The following PIK3C3 variants were observed in gnomAD, a reference collection of about 807,000 sequenced individuals.
PIK3C3 encodes the protein PI3-kinase type 3.
PIK3C3 carries 95 observed loss-of-function variants against 126.1 expected under a neutral mutation model. The observed-to-expected ratio is 0.75, with a 90% CI of 0.64 to 0.89. The LOEUF (loss-of-function observed/expected upper bound fraction) is 0.89, where lower values mean the gene tolerates loss of function less well. Ranked by LOEUF, PIK3C3 falls within the 40% of genes least tolerant of loss-of-function variation. The pLI is 0.00. For synonymous variants in PIK3C3, 374 were observed against 360.0 expected (o/e 1.04, Z -0.44); for missense variants, 829 against 1,063.2 (o/e 0.78, Z 3.06).
intron 4 of PIK3C3, among the ~76,000 whole-genome samples, chr18:41,976,930 T>A (rs1159549961): frequency 2.0e-5 from 3 of 152,224 alleles, no homozygotes; most frequent in Non-Finnish European, 2.9e-5. Context: ...TTAAATTCTT[T>A]ATGGAAATCT....
intron 6 of PIK3C3, among the ~76,000 whole-genome samples, chr18:41,991,643 A>G (rs1026152625): frequency 1.5e-4 from 23 of 152,192 alleles, no homozygotes; most frequent in African/African-American, 5.1e-4. Context: ...ATAAATTACT[A>G]TTTGAAAGGT....
intron 9 of PIK3C3, among the ~76,000 whole-genome samples, chr18:42,003,835 G>GTACA (rs1982409084): frequency 6.6e-6 from 1 of 152,138 alleles, no homozygotes; most frequent in South Asian, 2.1e-4. Flanking sequence ...ACAGAGATAC[G>GTACA]TACATACTCC....
At chr18:42,029,588 G>T (rs1344304620) in intron 15 of PIK3C3, 147 bp downstream of exon 15, 1 of 495,026 alleles carries the variant, frequency 2.0e-6, no homozygotes, top group East Asian at 3.4e-5. Context: ...TGTCGCCCAG[G>T]TTGGAGTGCA....
At chr18:41,982,925 G>T (rs1279440992) in intron 4 of PIK3C3, among the ~76,000 whole-genome samples, 22 of 152,120 alleles carry the variant, frequency 1.4e-4, no homozygotes, top group Admixed American at 1.4e-3. Context: ...GGAGGGTTTT[G>T]CATAGTGTAG....
In PIK3C3 at chr18:42,039,615, A is replaced by G. The variant is rs146045381; in HGVS notation, c.2038+765A>G. Among the ~76,000 whole-genome samples, 806 of 152,312 alleles carry G rather than the reference A, an allele frequency of 5.3e-3. 3 individuals are homozygous for G. Among genetic ancestry groups the G allele is most frequent in the South Asian group, 0.012 (60 of 4,828 alleles). On this transcript the variant is annotated intron_variant, in intron 18 of 24. Transcript: ENST00000262039. ...ATGCATTGTGCTCTAAGGCCTTCAC[A>G]TACACTGTGATCATTGTCTCAAACA...
chr18:42,034,338 G>A (rs558464318), intron 16 of PIK3C3, among the ~76,000 whole-genome samples: 3 of 152,212 alleles, frequency 2.0e-5, no homozygotes, highest in South Asian at 4.1e-4. Context: ...ACAGGCATGC[G>A]CCACCATACC....
At chr18:41,968,308 A>C (rs111678637) in intron 3 of PIK3C3, among the ~76,000 whole-genome samples, 7,101 of 152,264 alleles carry the variant, frequency 0.047, 550 homozygotes, top group African/African-American at 0.16. Flanking sequence ...TTATCATCTC[A>C]CTGTACGTAG....
chr18:41,997,173 A>T (rs774414049), intron 9 of PIK3C3, among the ~76,000 whole-genome samples: 12 of 152,110 alleles, frequency 7.9e-5, no homozygotes, highest in African/African-American at 2.7e-4. Context: ...AACCTGGGTG[A>T]CTAGGAAAAT....
chr18:41,966,353 A>G (rs905046553), intron 3 of PIK3C3, among the ~76,000 whole-genome samples: 9 of 151,856 alleles, frequency 5.9e-5, no homozygotes, highest in East Asian at 2.0e-4. Flanking sequence ...TATTTTTAGT[A>G]TAGGCGGGGT....
At chr18:41,995,561 A>G (rs913243031) in intron 7 of PIK3C3, among the ~76,000 whole-genome samples, 15 of 152,150 alleles carry the variant, frequency 9.9e-5, no homozygotes, top group African/African-American at 2.7e-4. Flanking sequence ...GCTTTAGTCT[A>G]TGTTGTCAGG....
intron 24 of PIK3C3, among the ~76,000 whole-genome samples, chr18:42,072,817 G>A (rs185629916): frequency 3.4e-4 from 52 of 152,252 alleles, no homozygotes; most frequent in Admixed American, 1.2e-3. Flanking sequence ...TTACAAGCAC[G>A]AGCCACCATG....
chr18:42,054,210 T>C (rs1197720536), intron 21 of PIK3C3, among the ~76,000 whole-genome samples: 1 of 120,662 alleles, frequency 8.3e-6, no homozygotes, highest in Non-Finnish European at 1.7e-5. Context: ...ATTTATTAAG[T>C]ATTAACTCAT....
intron 24 of PIK3C3, among the ~76,000 whole-genome samples, chr18:42,071,911 T>C (rs1407235071): frequency 6.6e-6 from 1 of 152,160 alleles, no homozygotes; most frequent in East Asian, 1.9e-4. Flanking sequence ...TACCTATGGA[T>C]GTTTAATTTT....
chr18:41,987,606 G>C (rs943494211), intron 4 of PIK3C3, among the ~76,000 whole-genome samples: 1 of 151,796 alleles, frequency 6.6e-6, no homozygotes, highest in Middle Eastern at 3.2e-3. Context: ...GGCAAATTAT[G>C]GACCTTTTTA....
chr18:42,076,118 ATATG>A (rs1985983833), intron 24 of PIK3C3, among the ~76,000 whole-genome samples: 1 of 66,678 alleles, frequency 1.5e-5, no homozygotes, highest in African/African-American at 7.9e-5. Flanking sequence ...ATATATATAT[ATATG>A]CGCATATATA....
In PIK3C3 at chr18:42,087,302, T is replaced by G. The variant is rs1986418389; in HGVS notation, c.*6165T>G. 6.6e-6 allele frequency: 1 copy of G among 152,240 alleles called. No homozygotes were observed. The highest frequency in any genetic ancestry group is 1.5e-5 in the Non-Finnish European group (1 of 68,108). 9.4% of individuals were successfully genotyped at this position (152,240 alleles called of 1,614,324 possible). On this transcript the variant is annotated 3_prime_UTR_variant, in exon 25 of 25. Transcript: ENST00000262039. ...TGGTTGGTGGTGAATGCGCCAAATT[T>G]TATAGTCCGGTTTGAGGAGGTGGTT...
Position 41,962,633 on chromosome 18 carries a change from G to A in PIK3C3, c.401+1G>A. The stretch of plus-strand genomic sequence containing the variant: ...CGGTTTCGCTCTTTGGAAAATACGG[G>A]TAAGCATTCTGTTGGTCTCATCTGT... On this transcript the variant is annotated splice_donor_variant, in intron 3 of 24. Transcript: ENST00000262039. LOFTEE classifies it high-confidence loss of function. 1 of 1,609,618 alleles carries A rather than the reference G, an allele frequency of 6.2e-7. No individual in the cohort carries two copies. The highest frequency in any genetic ancestry group is 1.1e-5 in the South Asian group (1 of 90,446).
At position 42,075,033 on chromosome 18, in the gene PIK3C3, A is replaced by G. The variant is rs77748884; in HGVS notation, c.2650-6090A>G. On this transcript the variant is annotated intron_variant, in intron 24 of 24. Transcript: ENST00000262039. ...TATGTAATTCATATAGTCTCCCTTTATATTTAGTTCTTCTTATTTTACCAC... is the reference window on the plus strand; with the variant it reads ...TATGTAATTCATATAGTCTCCCTTTGTATTTAGTTCTTCTTATTTTACCAC... 3.5e-3 allele frequency among the ~76,000 whole-genome samples: 529 copies of G among 152,248 alleles called. 20 individuals are homozygous for G. In the East Asian group the frequency reaches 0.088, roughly 25 times the overall value.
chr18:42,053,709 T>C (rs975371892), intron 21 of PIK3C3, among the ~76,000 whole-genome samples: 2 of 152,134 alleles, frequency 1.3e-5, no homozygotes, highest in East Asian at 3.9e-4. Flanking sequence ...CCCAGCTCTT[T>C]GGAGAAAGGT....
Sources: allele counts gnomAD v4.1 joint callset (sites outside exome capture counted in the v4.1 genomes callset), GRCh38; gene constraint gnomAD v4.1.1; transcripts MANE v1.5; gene names NCBI Gene and HGNC (gene_info 2026-07-23, HGNC 2026-07-21).